SCAMP1: variants seen among roughly 807,000 people sequenced by gnomAD.
SCAMP1 encodes secretory carrier membrane protein 1.
A neutral mutation model predicts 41.8 loss-of-function variants in SCAMP1; 15 were observed. That is an observed-to-expected ratio of 0.36 (90% CI 0.24 to 0.55). The LOEUF is 0.55. SCAMP1 is among the 20% of genes least tolerant of loss of function. The pLI is 0.86. For missense variants in SCAMP1, 341 were observed against 412.6 expected (o/e 0.83, Z 1.50); for synonymous variants, 135 against 136.8 (o/e 0.99, Z 0.09).
intron 4 of SCAMP1, 111 bp downstream of exon 4, chr5:78,416,760 G>T (rs982664602): frequency 4.8e-5 from 35 of 724,696 alleles, no homozygotes; most frequent in Non-Finnish European, 7.6e-5. Flanking sequence ...CTGTTTTCCT[G>T]TTCTAACAAG....
At chr5:78,370,493 A>G (rs961774194) in intron 1 of SCAMP1, 2 of 152,240 alleles carry the variant, frequency 1.3e-5, no homozygotes, top group African/African-American at 2.4e-5. Context: ...TTGCAGATCT[A>G]TACCCAGAGA....
chr5:78,384,311 T>C (rs1751288888), intron 1 of SCAMP1, among the ~76,000 whole-genome samples: 1 of 151,934 alleles, frequency 6.6e-6, no homozygotes, highest in African/African-American at 2.4e-5. Flanking sequence ...TTTAGTTTCC[T>C]GAAACTTTGC....
intron 2 of SCAMP1, among the ~76,000 whole-genome samples, chr5:78,401,992 C>T (rs540858111): frequency 1.3e-5 from 2 of 151,650 alleles, no homozygotes; most frequent in Admixed American, 1.3e-4. Flanking sequence ...CCTGCTTTCA[C>T]AGCATCCCAC....
At chr5:78,388,720 C>T (rs886958790) in intron 1 of SCAMP1, 117 bp from the exon 2 acceptor site, 8 of 485,618 alleles carry the variant, frequency 1.6e-5, no homozygotes, top group Non-Finnish European at 2.6e-5. Context: ...CTTTTATTTT[C>T]CTCTGTTAGC....
Position 78,477,848 on chromosome 5 carries a change from C to G in SCAMP1, c.*2180C>G, listed in dbSNP as rs985405337. The G allele has an allele frequency of 2.0e-5, 3 of 151,934 alleles. No individual in the cohort carries two copies. The highest frequency in any genetic ancestry group is 2.9e-5 in the Non-Finnish European group (2 of 67,952). The allele number at this position is 151,934 out of a possible 1,614,324, so 9.4% of individuals were successfully genotyped here. A position where few individuals can be genotyped will look rare whatever the true frequency, so the allele number is the denominator to read the frequency against. On this transcript the variant is annotated 3_prime_UTR_variant, in exon 9 of 9. Transcript: ENST00000621999. ...TCAAGTATGAAAGGAACTTTAAATT[C>G]TTATATTTACTTTTCTCTCAGTAAA...
In SCAMP1 at chr5:78,404,391, C is replaced by T. The variant is rs111269526; in HGVS notation, c.136-11129C>T. On this transcript the variant is annotated intron_variant, in intron 2 of 8. Coordinates refer to ENST00000621999, the MANE Select transcript of SCAMP1 (RefSeq NM_004866.6). ...CAAACGCCTGGGCTCAAACAGTCCT[C>T]TTGCCTCAGCCTCCCAAAGTGTCGG... Among the ~76,000 whole-genome samples the T allele has an allele frequency of 1.9e-3, 279 of 150,578 alleles. 1 individual carries two copies. The highest frequency in any genetic ancestry group is 6.1e-3 in the African/African-American group (248 of 40,730).
At chr5:78,461,202 T>C (rs1021457054) in intron 8 of SCAMP1, among the ~76,000 whole-genome samples, 1 of 152,204 alleles carries the variant, frequency 6.6e-6, no homozygotes, top group African/African-American at 2.4e-5. Context: ...TGTCAATTTT[T>C]GTTTGTGTTC....
intron 6 of SCAMP1, among the ~76,000 whole-genome samples, chr5:78,440,627 G>A (rs1397923515): frequency 6.6e-6 from 1 of 152,164 alleles, no homozygotes; most frequent in African/African-American, 2.4e-5. Context: ...CTACTGGGAG[G>A]TGCCTCCCAG....
chr5:78,393,663 T>G lies in SCAMP1; in HGVS notation c.135+4749T>G, dbSNP rs144862500. Among the ~76,000 whole-genome samples the G allele has an allele frequency of 3.0e-4, 45 of 152,292 alleles. 1 individual carries two copies. In the East Asian group the frequency reaches 7.3e-3, roughly 25 times the overall value. Reference sequence around the variant, plus strand: ...AGATAGTCTTGAGTTATGAAATAATTTTTTTTGTTTGAATTCAAAATGCAT... The same window carrying G: ...AGATAGTCTTGAGTTATGAAATAATGTTTTTTGTTTGAATTCAAAATGCAT... On this transcript the variant is annotated intron_variant, in intron 2 of 8. Coordinates refer to ENST00000621999, the MANE Select transcript of SCAMP1 (RefSeq NM_004866.6).
At chr5:78,403,393 C>T (rs952332805) in intron 2 of SCAMP1, among the ~76,000 whole-genome samples, 9 of 152,012 alleles carry the variant, frequency 5.9e-5, no homozygotes, top group African/African-American at 2.2e-4. Flanking sequence ...CATATATAAA[C>T]ATATATATGT....
At position 78,441,888 on chromosome 5, in the gene SCAMP1, G is replaced by C. The variant is rs199846208; in HGVS notation, c.633-8045G>C. On this transcript the variant is annotated intron_variant, in intron 6 of 8. Transcript: ENST00000621999. ...CTCATGTGTATAATCCCAGCATTTT[G>C]GGAGGCCAAGAGGAGAGGATTGCTT... is the stretch of plus-strand genomic sequence containing the variant. Among the ~76,000 whole-genome samples, 8 of 152,220 alleles carry C rather than the reference G, an allele frequency of 5.3e-5. No homozygotes were observed. The East Asian group carries it at 1.5e-3, about 29-fold the overall frequency.
At chr5:78,445,379 A>G (rs554949257) in intron 6 of SCAMP1, among the ~76,000 whole-genome samples, 4 of 152,354 alleles carry the variant, frequency 2.6e-5, no homozygotes, top group African/African-American at 9.6e-5. Flanking sequence ...TGATGAGAAA[A>G]TACATTACTT....
chr5:78,432,693 C>T (rs1249528512), intron 6 of SCAMP1, among the ~76,000 whole-genome samples: 1 of 151,630 alleles, frequency 6.6e-6, no homozygotes, highest in Admixed American at 6.6e-5. Flanking sequence ...TACGTGTGTG[C>T]AATGTGTGTT....
chr5:78,419,589 AC>A (rs1296121684), intron 5 of SCAMP1, among the ~76,000 whole-genome samples: 12 of 152,136 alleles, frequency 7.9e-5, no homozygotes, highest in Non-Finnish European at 1.6e-4. Flanking sequence ...TTTATTCCAA[AC>A]AGTAGTCTCA....
At chr5:78,425,718 T>C (rs1752452308) in intron 6 of SCAMP1, among the ~76,000 whole-genome samples, 1 of 152,190 alleles carries the variant, frequency 6.6e-6, no homozygotes, top group Non-Finnish European at 1.5e-5. Context: ...TTTAAGTAGC[T>C]TTATTAGGAT....
At chr5:78,414,988 C>T (rs1158459513) in intron 2 of SCAMP1, among the ~76,000 whole-genome samples, 6 of 147,708 alleles carry the variant, frequency 4.1e-5, no homozygotes, top group Non-Finnish European at 8.9e-5. Flanking sequence ...GAGTCTTGCT[C>T]TGTTGCCCAG....
At chr5:78,376,230 T>C (rs1306861307) in intron 1 of SCAMP1, among the ~76,000 whole-genome samples, 1 of 152,236 alleles carries the variant, frequency 6.6e-6, no homozygotes, top group Admixed American at 6.5e-5. Flanking sequence ...CGTTGAAATA[T>C]TGGGGGTGGG....
intron 1 of SCAMP1, among the ~76,000 whole-genome samples, chr5:78,382,372 A>G (rs945261577): frequency 1.3e-5 from 2 of 152,118 alleles, no homozygotes. Flanking sequence ...CATTATATGT[A>G]TATACTTTAT....
chr5:78,465,277 G>A (rs1321525990), intron 8 of SCAMP1, among the ~76,000 whole-genome samples: 2 of 152,218 alleles, frequency 1.3e-5, no homozygotes, highest in Non-Finnish European at 2.9e-5. Flanking sequence ...ATTGGAATTA[G>A]ATGAGAAGAG....
Sources: gnomAD v4.1 joint callset for allele counts (sites outside exome capture counted in the v4.1 genomes callset) on GRCh38, gnomAD v4.1.1 for gene constraint, MANE v1.5 for transcripts, NCBI Gene and HGNC (gene_info 2026-07-23, HGNC 2026-07-21) for gene names.